The following RRAGD variants were observed in gnomAD, a reference collection of about 807,000 sequenced individuals.
The protein encoded by RRAGD is ras-related GTP-binding protein D.
In RRAGD, 12 loss-of-function variants were observed where a neutral mutation model predicts 35.5. That is an observed-to-expected ratio of 0.34 (90% CI 0.22 to 0.55). The LOEUF (loss-of-function observed/expected upper bound fraction) is 0.55. Ranked by LOEUF, RRAGD falls within the 20% of genes least tolerant of loss-of-function variation. The pLI is 0.91. For synonymous variants in RRAGD, 155 were observed against 178.9 expected, an observed-to-expected ratio of 0.87 and a Z score of 1.07; for missense variants, 324 against 490.1, an observed-to-expected ratio of 0.66 and a Z score of 3.20.
At chr6:89,368,299 G>T in intron 6 of RRAGD, 92 bp from the exon 7 acceptor site, 2 of 1,164,130 alleles carry the variant, frequency 1.7e-6, no homozygotes, top group Non-Finnish European at 2.4e-6. Context: ...CCAGTAGGGG[G>T]CAGTAGAGGA....
At chr6:89,383,223 G>T (rs542234719) in intron 2 of RRAGD, among the ~76,000 whole-genome samples, 3 of 152,174 alleles carry the variant, frequency 2.0e-5, no homozygotes, top group African/African-American at 7.2e-5. Flanking sequence ...TGTTATTGCT[G>T]TCTTTAACTG....
chr6:89,403,921 G>A (rs191823862), intron 1 of RRAGD, among the ~76,000 whole-genome samples: 3 of 152,284 alleles, frequency 2.0e-5, no homozygotes, highest in Admixed American at 2.0e-4. Context: ...GCATCCCAAA[G>A]TGTTGGGATT....
chr6:89,367,130 T>C lies in RRAGD; in HGVS notation c.*926A>G, dbSNP rs1768766409. 6.6e-6 allele frequency: 1 copy of C among 152,202 alleles called. No individual in the cohort carries two copies. The highest frequency in any genetic ancestry group is 6.5e-5 in the Admixed American group (1 of 15,288). The allele number at this position is 152,202 out of a possible 1,614,324, so 9.4% of individuals were successfully genotyped here. ...GCACAGGGCCAAAAGTCCAGAATTG[T>C]ATCTATGTTTTTTAGTCTGCAGTTG... is the stretch of plus-strand genomic sequence containing the variant. On this transcript the variant is annotated 3_prime_UTR_variant, in exon 7 of 7. Coordinates refer to ENST00000369415, the MANE Select transcript of RRAGD (RefSeq NM_021244.5).
In RRAGD at chr6:89,384,755, A is replaced by G. The variant is rs55646734; in HGVS notation, c.444+2540T>C. 6.1e-3 allele frequency among the ~76,000 whole-genome samples: 923 copies of G among 151,042 alleles called. 6 individuals are homozygous for G. The highest frequency in any genetic ancestry group is 9.5e-3 in the Non-Finnish European group (643 of 67,770). On this transcript the variant is annotated intron_variant, in intron 2 of 6. Coordinates refer to ENST00000369415, the MANE Select transcript of RRAGD (RefSeq NM_021244.5). Reference sequence around the variant, plus strand: ...GCGTGAACCCAGGAGGTGGACTTGCAGTGAGCCAAGATGGCGCCACTGGAC... The same window carrying G: ...GCGTGAACCCAGGAGGTGGACTTGCGGTGAGCCAAGATGGCGCCACTGGAC...
chr6:89,407,247 T>C (rs1402296485), intron 1 of RRAGD, among the ~76,000 whole-genome samples: 1 of 151,986 alleles, frequency 6.6e-6, no homozygotes, highest in East Asian at 1.9e-4. Flanking sequence ...GGAAAGGCCA[T>C]CACAAGAGAA....
Position 89,372,558 on chromosome 6 carries a change from G to A in RRAGD, c.930C>T (p.Pro310=), listed in dbSNP as rs780349094. Residue 310 remains proline, a synonymous_variant, in exon 6 of 7, where the codon CCC becomes CCT. Transcript: ENST00000369415. ...TGATGGCTGTGGATTCCTTGTCATAGGGGGTTCCTGCTCCATCTTCTTTGA... is the reference window on the plus strand; with the variant it reads ...TGATGGCTGTGGATTCCTTGTCATAAGGGGTTCCTGCTCCATCTTCTTTGA... The part of the protein sequence containing the change: ...YGLKEDGAGT[P]YDKESTAIIK... The A allele has an allele frequency of 2.7e-5, 43 of 1,565,178 alleles. No individual in the cohort carries two copies. The highest frequency in any genetic ancestry group is 4.2e-5 in the African/African-American group (3 of 71,748).
chr6:89,397,738 C>T (rs1769366825), intron 1 of RRAGD, among the ~76,000 whole-genome samples: 2 of 152,150 alleles, frequency 1.3e-5, no homozygotes, highest in African/African-American at 4.8e-5. Flanking sequence ...CTGGATGAAT[C>T]TCTAATTATG....
chr6:89,405,264 G>T (rs1208059744), intron 1 of RRAGD, among the ~76,000 whole-genome samples: 1 of 144,798 alleles, frequency 6.9e-6, no homozygotes, highest in African/African-American at 2.6e-5. Context: ...TGAGGCAGGA[G>T]AATGGCGTGA....
At chr6:89,368,966 G>GCC (rs1768811785) in intron 6 of RRAGD, among the ~76,000 whole-genome samples, 3 of 152,120 alleles carry the variant, frequency 2.0e-5, no homozygotes, top group Admixed American at 2.0e-4. Flanking sequence ...AGGATAAGGT[G>GCC]GTCAGTTCTA....
At chr6:89,370,895 A>G (rs887620005) in intron 6 of RRAGD, among the ~76,000 whole-genome samples, 3 of 152,110 alleles carry the variant, frequency 2.0e-5, no homozygotes, top group African/African-American at 7.2e-5. Flanking sequence ...AGAAACATCG[A>G]TAATTATTGT....
intron 1 of RRAGD, among the ~76,000 whole-genome samples, chr6:89,404,388 TC>T (rs1769538992): frequency 6.6e-6 from 1 of 152,200 alleles, no homozygotes; most frequent in Non-Finnish European, 1.5e-5. Flanking sequence ...AAAATTCATG[TC>T]TGACTTTGGC....
intron 1 of RRAGD, among the ~76,000 whole-genome samples, chr6:89,392,134 A>T (rs1487029794): frequency 2.0e-5 from 3 of 152,126 alleles, no homozygotes; most frequent in African/African-American, 7.2e-5. Flanking sequence ...TAAAAAACCC[A>T]GTATGAAACT....
intron 1 of RRAGD, among the ~76,000 whole-genome samples, chr6:89,394,380 G>T (rs938314444): frequency 6.6e-6 from 1 of 152,078 alleles, no homozygotes; most frequent in African/African-American, 2.4e-5. Flanking sequence ...AAAGGCATCA[G>T]ATGCTTATCA....
Position 89,381,833 on chromosome 6 carries a change from T to C in RRAGD, c.445-1466A>G, listed in dbSNP as rs143827306. ...ATGTATATGTGATTACAATGATATA[T>C]GTACAGTCTCATGTACATGTGGCTT... On this transcript the variant is annotated intron_variant, in intron 2 of 6. Coordinates refer to ENST00000369415, the MANE Select transcript of RRAGD (RefSeq NM_021244.5). Among the ~76,000 whole-genome samples the C allele has an allele frequency of 6.6e-5, 10 of 152,330 alleles. No homozygotes were observed. In the East Asian group the frequency reaches 1.9e-3, roughly 29 times the overall value.
chr6:89,400,480 T>C (rs1169028927), intron 1 of RRAGD, among the ~76,000 whole-genome samples: 2 of 151,858 alleles, frequency 1.3e-5, no homozygotes, highest in Non-Finnish European at 2.9e-5. Context: ...AAATCTTCCC[T>C]CTAATCTCCT....
chr6:89,377,963 T>G (rs1768974622), intron 4 of RRAGD, 150 bp from the exon 5 acceptor site: 1 of 643,490 alleles, frequency 1.6e-6, no homozygotes, highest in African/African-American at 1.8e-5. Context: ...TTATTACAAT[T>G]TAAACTTCAC....
chr6:89,392,087 AT>A (rs1045888036), intron 1 of RRAGD, among the ~76,000 whole-genome samples: 9 of 152,260 alleles, frequency 5.9e-5, no homozygotes, highest in South Asian at 2.1e-4. Flanking sequence ...GTATATCTCA[AT>A]TTTTTTAAAA....
chr6:89,379,362 T>G, intron 3 of RRAGD, 24 bp from the exon 4 acceptor site: 1 of 1,285,258 alleles, frequency 7.8e-7, no homozygotes, highest in Non-Finnish European at 1.1e-6. Context: ...CGGTATTTCA[T>G]CATGTTTTCC....
At chr6:89,369,274 A>G (rs192812472) in intron 6 of RRAGD, among the ~76,000 whole-genome samples, 2 of 152,324 alleles carry the variant, frequency 1.3e-5, no homozygotes, top group Admixed American at 1.3e-4. Flanking sequence ...AAGCAAGGGG[A>G]AAAGTAATAA....
Sources: gnomAD v4.1 joint callset for allele counts (sites outside exome capture counted in the v4.1 genomes callset) on GRCh38, gnomAD v4.1.1 for gene constraint, MANE v1.5 for transcripts, NCBI Gene and HGNC (gene_info 2026-07-23, HGNC 2026-07-21) for gene names.